CAMK4: variants seen among roughly 807,000 people sequenced by gnomAD.
CAMK4 encodes the protein calcium/calmodulin-dependent protein kinase type IV.
Under a neutral mutation model 44.9 loss-of-function variants are expected in CAMK4, and 22 were observed. The observed-to-expected ratio is 0.49, with a 90% CI of 0.35 to 0.70. CAMK4 has a LOEUF of 0.70. CAMK4 is among the 30% of genes least tolerant of loss of function. CAMK4 has a pLI of 0.01. For missense variants in CAMK4, 498 were observed against 586.8 expected (o/e 0.85, Z 1.56); for synonymous variants, 218 against 215.4 (o/e 1.01, Z -0.11).
chr5:111,394,215 A>G (rs1333271697), intron 4 of CAMK4, among the ~76,000 whole-genome samples: 4 of 152,204 alleles, frequency 2.6e-5, no homozygotes, highest in African/African-American at 9.6e-5. Flanking sequence ...TGATATTGGA[A>G]TTATGACTGA....
intron 1 of CAMK4, among the ~76,000 whole-genome samples, chr5:111,309,341 A>G (rs1748100005): frequency 6.6e-6 from 1 of 152,170 alleles, no homozygotes; most frequent in Non-Finnish European, 1.5e-5. Flanking sequence ...AATGGCAGAA[A>G]AGGCAGCATG....
chr5:111,439,543 T>C (rs1242630088), intron 5 of CAMK4, among the ~76,000 whole-genome samples: 1 of 152,176 alleles, frequency 6.6e-6, no homozygotes, highest in African/African-American at 2.4e-5. Flanking sequence ...GGAATACAGG[T>C]ACAGAAGAAG....
intron 1 of CAMK4, among the ~76,000 whole-genome samples, chr5:111,332,313 C>A (rs577111809): frequency 1.0e-4 from 14 of 139,002 alleles, no homozygotes; most frequent in Non-Finnish European, 2.0e-4. Flanking sequence ...CCTATCTATG[C>A]GTGAGAACAT....
intron 4 of CAMK4, among the ~76,000 whole-genome samples, chr5:111,380,296 G>A (rs191437324): frequency 6.6e-6 from 1 of 151,064 alleles, no homozygotes; most frequent in African/African-American, 2.4e-5. Flanking sequence ...ATTGTCATGG[G>A]TTTTTTTTCT....
At chr5:111,384,383 C>T (rs1751524386) in intron 4 of CAMK4, among the ~76,000 whole-genome samples, 1 of 152,120 alleles carries the variant, frequency 6.6e-6, no homozygotes, top group South Asian at 2.1e-4. Flanking sequence ...GTTCCTCTTC[C>T]CCTCCCCACC....
At chr5:111,427,149 A>T (rs990508928) in intron 5 of CAMK4, among the ~76,000 whole-genome samples, 1 of 152,114 alleles carries the variant, frequency 6.6e-6, no homozygotes, top group African/African-American at 2.4e-5. Context: ...TGCATCTAGG[A>T]TACCAGCTCA....
chr5:111,233,375 T>C (rs1443414105), intron 1 of CAMK4, among the ~76,000 whole-genome samples: 1 of 152,236 alleles, frequency 6.6e-6, no homozygotes, highest in Admixed American at 6.5e-5. Flanking sequence ...TTCTTACCAA[T>C]GTAACATGTT....
intron 5 of CAMK4, among the ~76,000 whole-genome samples, chr5:111,417,212 C>T (rs919675374): frequency 2.8e-5 from 4 of 145,392 alleles, no homozygotes; most frequent in Non-Finnish European, 6.0e-5. Flanking sequence ...AGGCATGTGC[C>T]ATCACACCCA....
At chr5:111,368,826 T>G (rs1750894038) in intron 2 of CAMK4, among the ~76,000 whole-genome samples, 1 of 152,014 alleles carries the variant, frequency 6.6e-6, no homozygotes, top group Non-Finnish European at 1.5e-5. Context: ...TTCACCCTTC[T>G]CAGCCTCCAC....
At chr5:111,226,334 G>A (rs181597764) in intron 1 of CAMK4, among the ~76,000 whole-genome samples, 247 of 152,318 alleles carry the variant, frequency 1.6e-3, no homozygotes, top group African/African-American at 5.6e-3. Flanking sequence ...AAAAAACTGA[G>A]AAATTTGAAG....
At chr5:111,344,148 C>A in intron 2 of CAMK4, 46 bp downstream of exon 2, 1 of 1,123,336 alleles carries the variant, frequency 8.9e-7, no homozygotes, top group Non-Finnish European at 1.3e-6. Flanking sequence ...GGCCTGTGAC[C>A]TGGAGAAGGC....
intron 5 of CAMK4, among the ~76,000 whole-genome samples, chr5:111,427,684 T>A (rs576386119): frequency 1.3e-5 from 2 of 152,250 alleles, no homozygotes; most frequent in South Asian, 4.2e-4. Context: ...TGGGAAGGAC[T>A]GTGTCTTGTG....
intron 5 of CAMK4, among the ~76,000 whole-genome samples, chr5:111,403,927 C>T (rs1016562742): frequency 2.6e-5 from 4 of 152,132 alleles, no homozygotes; most frequent in African/African-American, 7.2e-5. Context: ...ATTTTCTGAT[C>T]GTCTTCGTTA....
intron 1 of CAMK4, among the ~76,000 whole-genome samples, chr5:111,298,676 C>G (rs897104185): frequency 2.6e-5 from 4 of 152,218 alleles, no homozygotes; most frequent in Non-Finnish European, 5.9e-5. Context: ...ACTGAAGAAG[C>G]ACAAGTTACT....
At chr5:111,475,014 T>C (rs1755187860) in intron 8 of CAMK4, among the ~76,000 whole-genome samples, 1 of 151,902 alleles carries the variant, frequency 6.6e-6, no homozygotes, top group Non-Finnish European at 1.5e-5. Flanking sequence ...ATATAAAAAA[T>C]TAGCAGGGTG....
chr5:111,389,835 G>A (rs1472506477), intron 4 of CAMK4, among the ~76,000 whole-genome samples: 1 of 152,124 alleles, frequency 6.6e-6, no homozygotes, highest in East Asian at 1.9e-4. Flanking sequence ...GAGGCTATAG[G>A]TACAGAGCAC....
chr5:111,278,090 T>A (rs1750851222), intron 1 of CAMK4, among the ~76,000 whole-genome samples: 2 of 152,238 alleles, frequency 1.3e-5, no homozygotes, highest in South Asian at 4.1e-4. Flanking sequence ...GTAATAATGT[T>A]TTTAGGGCAT....
intron 7 of CAMK4, among the ~76,000 whole-genome samples, chr5:111,469,020 T>A (rs1295020709): frequency 6.6e-6 from 1 of 151,012 alleles, no homozygotes; most frequent in Non-Finnish European, 1.5e-5. Flanking sequence ...GGCAAGCACC[T>A]GTAATCCCAG....
intron 5 of CAMK4, among the ~76,000 whole-genome samples, chr5:111,432,636 A>T (rs2112942431): frequency 7.2e-6 from 1 of 138,286 alleles, no homozygotes; most frequent in South Asian, 2.2e-4. Flanking sequence ...ATATATATAT[A>T]CATATATATA....
Sources: allele counts gnomAD v4.1 joint callset (sites outside exome capture counted in the v4.1 genomes callset), GRCh38; gene constraint gnomAD v4.1.1; transcripts MANE v1.5; gene names NCBI Gene and HGNC (gene_info 2026-07-23, HGNC 2026-07-21).